ROBO1: variants seen among roughly 807,000 people sequenced by gnomAD.
The protein encoded by ROBO1 is roundabout guidance receptor 1, also known as roundabout homolog 1.
A neutral mutation model predicts 195.9 loss-of-function variants in ROBO1; 149 were observed. The observed-to-expected ratio is 0.76, with a 90% CI of 0.67 to 0.87. ROBO1 has a LOEUF of 0.87. ROBO1 is among the 40% of genes least tolerant of loss of function. ROBO1 has a pLI of 0.00. For missense variants in ROBO1, 1,933 were observed against 2,068.3 expected (o/e 0.93, Z 1.27); for synonymous variants, 816 against 733.2 (o/e 1.11, Z -1.82).
At chr3:78,908,179 A>G (rs1321226567) in intron 4 of ROBO1, among the ~76,000 whole-genome samples, 1 of 152,052 alleles carries the variant, frequency 6.6e-6, no homozygotes, top group Non-Finnish European at 1.5e-5. Context: ...AAATCTATTT[A>G]TATTTCATTG....
intron 3 of ROBO1, among the ~76,000 whole-genome samples, chr3:78,990,428 T>C (rs2077210752): frequency 6.6e-6 from 1 of 152,196 alleles, no homozygotes; most frequent in Admixed American, 6.6e-5. Flanking sequence ...GTTTTCCTTG[T>C]TAGCTAATTA....
At chr3:78,646,261 G>A (rs983659264) in intron 20 of ROBO1, 71 bp from the exon 21 acceptor site, 163 of 1,382,890 alleles carry the variant, frequency 1.2e-4, no homozygotes, top group South Asian at 2.4e-4. Context: ...TTACATTCAT[G>A]AGCTTCTTTC....
intron 1 of ROBO1, among the ~76,000 whole-genome samples, chr3:79,632,856 G>T (rs1349050211): frequency 6.6e-6 from 1 of 151,780 alleles, no homozygotes; most frequent in Non-Finnish European, 1.5e-5. Context: ...CAGATAAAGA[G>T]AAAATATTCC....
In ROBO1 at chr3:78,870,937, C is replaced by T. The variant is rs866773220; in HGVS notation, c.499+67664G>A. 1.2e-4 allele frequency among the ~76,000 whole-genome samples: 19 copies of T among 152,024 alleles called. No homozygotes were observed. The South Asian group carries it at 1.5e-3, about 12-fold the overall frequency. On this transcript the variant is annotated intron_variant, in intron 4 of 30. Coordinates refer to ENST00000464233, the MANE Select transcript of ROBO1 (RefSeq NM_002941.4). ...ATATGCAAAATAGGAATAAAAATAA[C>T]CACACATGCTTCATAAAATTATTTT...
chr3:78,682,517 GTA>G (rs1183050593), intron 10 of ROBO1, among the ~76,000 whole-genome samples: 1 of 146,718 alleles, frequency 6.8e-6, no homozygotes, highest in Non-Finnish European at 1.5e-5. Context: ...ATATGACTGT[GTA>G]TATATGTGTA....
chr3:79,426,774 A>C (rs2038463615), intron 2 of ROBO1, among the ~76,000 whole-genome samples: 1 of 152,148 alleles, frequency 6.6e-6, no homozygotes, highest in Non-Finnish European at 1.5e-5. Flanking sequence ...AAAACCATCT[A>C]AGGTAACTTG....
intron 3 of ROBO1, among the ~76,000 whole-genome samples, chr3:79,025,772 C>T (rs1345024125): frequency 6.6e-6 from 1 of 152,128 alleles, no homozygotes; most frequent in Non-Finnish European, 1.5e-5. Flanking sequence ...ATTGGGAGCA[C>T]TGACTGAGGT....
chr3:79,713,642 G>A (rs1364869094), intron 1 of ROBO1, among the ~76,000 whole-genome samples: 1 of 152,048 alleles, frequency 6.6e-6, no homozygotes, highest in Non-Finnish European at 1.5e-5. Flanking sequence ...CGTTGCTTTT[G>A]GTGTTTTAGA....
intron 2 of ROBO1, among the ~76,000 whole-genome samples, chr3:79,187,903 G>C (rs2081470038): frequency 6.6e-6 from 1 of 151,992 alleles, no homozygotes; most frequent in Admixed American, 6.6e-5. Context: ...AGGAAACCTA[G>C]TCTGTAATTG....
At chr3:79,714,353 A>G (rs1331591943) in intron 1 of ROBO1, among the ~76,000 whole-genome samples, 1 of 152,058 alleles carries the variant, frequency 6.6e-6, no homozygotes, top group Non-Finnish European at 1.5e-5. Context: ...GAAACAACAG[A>G]TGCTGGAGAG....
chr3:78,839,399 C>T (rs1481646347), intron 4 of ROBO1, among the ~76,000 whole-genome samples: 1 of 151,144 alleles, frequency 6.6e-6, no homozygotes, highest in Non-Finnish European at 1.5e-5. Context: ...TGGGTTTGTA[C>T]TGAATATTCT....
At chr3:79,663,165 T>G (rs1946381116) in intron 1 of ROBO1, among the ~76,000 whole-genome samples, 1 of 152,050 alleles carries the variant, frequency 6.6e-6, no homozygotes, top group Admixed American at 6.6e-5. Flanking sequence ...ATAGTTTTAT[T>G]CACAGATTCT....
At chr3:79,437,559 G>A (rs1172169146) in intron 2 of ROBO1, among the ~76,000 whole-genome samples, 1 of 151,958 alleles carries the variant, frequency 6.6e-6, no homozygotes, top group Admixed American at 6.6e-5. Flanking sequence ...ACAATAAAAT[G>A]TGCAAGTTGA....
intron 27 of ROBO1, among the ~76,000 whole-genome samples, chr3:78,615,392 G>T (rs928181620): frequency 7.9e-5 from 12 of 152,100 alleles, no homozygotes; most frequent in Admixed American, 6.6e-4. Flanking sequence ...CTAAATATTT[G>T]CTAGTTCTGG....
intron 3 of ROBO1, among the ~76,000 whole-genome samples, chr3:79,118,166 G>A (rs576265013): frequency 5.3e-5 from 8 of 151,932 alleles, no homozygotes; most frequent in Non-Finnish European, 1.2e-4. Context: ...TCCAAAGCCA[G>A]TCGTCCGCAG....
chr3:79,390,526 G>C (rs1452856821), intron 2 of ROBO1, among the ~76,000 whole-genome samples: 1 of 152,148 alleles, frequency 6.6e-6, no homozygotes, highest in Non-Finnish European at 1.5e-5. Context: ...AAGAAAACTA[G>C]GTGTGTGTGG....
chr3:78,913,602 A>G (rs2038382843), intron 4 of ROBO1, among the ~76,000 whole-genome samples: 1 of 152,182 alleles, frequency 6.6e-6, no homozygotes, highest in Non-Finnish European at 1.5e-5. Flanking sequence ...TCCAGTCCTC[A>G]CAAAGGAAAA....
chr3:79,222,800 A>G (rs2082163393), intron 2 of ROBO1, among the ~76,000 whole-genome samples: 1 of 152,146 alleles, frequency 6.6e-6, no homozygotes. Flanking sequence ...ATGTCTGGTG[A>G]ATAATTTAAT....
chr3:79,180,458 A>G (rs927202346), intron 2 of ROBO1, among the ~76,000 whole-genome samples: 1 of 152,186 alleles, frequency 6.6e-6, no homozygotes, highest in Non-Finnish European at 1.5e-5. Flanking sequence ...CACCAAAGAC[A>G]TGTGCATAGG....
Sources: gnomAD v4.1 joint callset for allele counts (sites outside exome capture counted in the v4.1 genomes callset) on GRCh38, gnomAD v4.1.1 for gene constraint, MANE v1.5 for transcripts, NCBI Gene and HGNC (gene_info 2026-07-23, HGNC 2026-07-21) for gene names.